Variants in MGAT4C observed in about 807,000 individuals in gnomAD.
The protein encoded by MGAT4C is MGAT4 family member C, also known as alpha-1,3-mannosyl-glycoprotein 4-beta-N-acetylglucosaminyltransferase C.
Under a neutral mutation model 40.1 loss-of-function variants are expected in MGAT4C, and 19 were observed. The observed-to-expected ratio is 0.47, with a 90% CI of 0.33 to 0.70. The LOEUF is 0.70. Ranked by LOEUF, MGAT4C falls within the 30% of genes least tolerant of loss-of-function variation. The probability of loss-of-function intolerance (pLI) is 0.02; values close to 1 mark genes in which losing one functional copy is unlikely to be tolerated. For synonymous variants in MGAT4C, 181 were observed against 187.1 expected (o/e 0.97, Z 0.27); for missense variants, 491 against 563.2 (o/e 0.87, Z 1.30).
intron 1 of MGAT4C, among the ~76,000 whole-genome samples, chr12:86,757,453 C>T (rs755017827): frequency 4.6e-5 from 7 of 151,814 alleles, no homozygotes; most frequent in Non-Finnish European, 1.0e-4. Context: ...TTTTTTTCAC[C>T]TGAAGTAAAG....
chr12:86,363,986 AC>A, intron 3 of MGAT4C, among the ~76,000 whole-genome samples: 5 of 151,868 alleles, frequency 3.3e-5, no homozygotes, highest in African/African-American at 1.2e-4. Context: ...ACACACACAC[AC>A]ACACAGAGAC....
intron 2 of MGAT4C, among the ~76,000 whole-genome samples, chr12:86,456,294 A>G (rs998378145): frequency 6.6e-6 from 1 of 152,210 alleles, no homozygotes; most frequent in South Asian, 2.1e-4. Flanking sequence ...GATAAAAAAA[A>G]TTTGGGCAGC....
chr12:86,199,860 AAT>A (rs1252239533), intron 1 of MGAT4C, among the ~76,000 whole-genome samples: 13 of 152,164 alleles, frequency 8.5e-5, no homozygotes, highest in Admixed American at 8.5e-4. Context: ...TATTTTATAC[AAT>A]GTTTATAAAT....
chr12:86,067,463 A>T (rs1314741425), intron 1 of MGAT4C, among the ~76,000 whole-genome samples: 1 of 152,088 alleles, frequency 6.6e-6, no homozygotes, highest in East Asian at 1.9e-4. Flanking sequence ...AAGAACAGAA[A>T]ACCAAACACC....
At chr12:86,154,936 A>C (rs1026911874) in intron 1 of MGAT4C, among the ~76,000 whole-genome samples, 1 of 152,184 alleles carries the variant, frequency 6.6e-6, no homozygotes, top group African/African-American at 2.4e-5. Context: ...AAGACCAACA[A>C]ATTAAAAAGT....
At chr12:86,116,732 G>A (rs1194641842) in intron 1 of MGAT4C, among the ~76,000 whole-genome samples, 1 of 152,024 alleles carries the variant, frequency 6.6e-6, no homozygotes, top group Non-Finnish European at 1.5e-5. Context: ...TAATCCAATT[G>A]TATTCATTGT....
intron 1 of MGAT4C, among the ~76,000 whole-genome samples, chr12:86,216,240 G>T (rs1950666100): frequency 6.6e-6 from 1 of 152,150 alleles, no homozygotes; most frequent in Non-Finnish European, 1.5e-5. Flanking sequence ...GGCTTGTGAG[G>T]TGAGGTGCCT....
chr12:86,750,153 G>A (rs1453120416), intron 1 of MGAT4C, among the ~76,000 whole-genome samples: 2 of 151,772 alleles, frequency 1.3e-5, no homozygotes, highest in Non-Finnish European at 2.9e-5. Context: ...GTAAGCCTCT[G>A]GTAACTTTAT....
chr12:86,808,601 A>G (rs896895517), intron 1 of MGAT4C, among the ~76,000 whole-genome samples: 7 of 152,068 alleles, frequency 4.6e-5, no homozygotes, highest in Non-Finnish European at 8.8e-5. Flanking sequence ...AAAAACTCTC[A>G]ATAAACTAGG....
intron 2 of MGAT4C, among the ~76,000 whole-genome samples, chr12:86,654,434 A>C (rs1428434582): frequency 6.6e-6 from 1 of 151,928 alleles, no homozygotes; most frequent in African/African-American, 2.4e-5. Context: ...ATAGGGAAAC[A>C]TGCACGATCA....
chr12:86,494,633 C>G (rs553708777), intron 2 of MGAT4C, among the ~76,000 whole-genome samples: 2 of 148,274 alleles, frequency 1.3e-5, no homozygotes, highest in Non-Finnish European at 1.5e-5. Flanking sequence ...AAAAAAAAAA[C>G]GTGCTTTAAA....
intron 2 of MGAT4C, among the ~76,000 whole-genome samples, chr12:86,638,854 G>T (rs1057133332): frequency 6.6e-6 from 1 of 151,670 alleles, no homozygotes; most frequent in Non-Finnish European, 1.5e-5. Flanking sequence ...TTTCTGCACT[G>T]CTGTGAAACT....
At chr12:86,427,483 A>G (rs193152800) in intron 3 of MGAT4C, among the ~76,000 whole-genome samples, 1 of 152,204 alleles carries the variant, frequency 6.6e-6, no homozygotes, top group East Asian at 1.9e-4. Flanking sequence ...AAATTATAGA[A>G]TTATTTCATT....
intron 2 of MGAT4C, among the ~76,000 whole-genome samples, chr12:86,545,786 A>C (rs1195754001): frequency 3.9e-5 from 6 of 152,002 alleles, no homozygotes; most frequent in South Asian, 4.1e-4. Flanking sequence ...AGAAAAAAAA[A>C]CAAAAACTGA....
chr12:86,268,643 CAAACA>C (rs892851404), intron 4 of MGAT4C, among the ~76,000 whole-genome samples: 8 of 123,112 alleles, frequency 6.5e-5, no homozygotes, highest in African/African-American at 8.9e-5. Flanking sequence ...ACTGCTCAAA[CAAACA>C]AAAGGATATT....
intron 1 of MGAT4C, among the ~76,000 whole-genome samples, chr12:86,833,817 G>A (rs564424877): frequency 6.6e-6 from 1 of 151,818 alleles, no homozygotes; most frequent in Non-Finnish European, 1.5e-5. Context: ...CTGGAAGCCT[G>A]AGAAGGGTAC....
chr12:86,674,575 TAATCC>T (rs1363136436), intron 2 of MGAT4C, among the ~76,000 whole-genome samples: 1 of 152,036 alleles, frequency 6.6e-6, no homozygotes, highest in East Asian at 1.9e-4. Context: ...CAGGCACGTG[TAATCC>T]CAGCCACTTG....
At chr12:86,407,196 CA>C (rs1956492284) in intron 3 of MGAT4C, among the ~76,000 whole-genome samples, 1 of 152,080 alleles carries the variant, frequency 6.6e-6, no homozygotes. Flanking sequence ...GTCCAAAATG[CA>C]GAAGTTTTTG....
chr12:86,199,123 ACTG>A (rs1330906944), intron 1 of MGAT4C, among the ~76,000 whole-genome samples: 1 of 152,022 alleles, frequency 6.6e-6, no homozygotes, highest in African/African-American at 2.4e-5. Flanking sequence ...TGCTACTGCT[ACTG>A]CTGCTGCTGC....
Sources: gnomAD v4.1 joint callset for allele counts (sites outside exome capture counted in the v4.1 genomes callset) on GRCh38, gnomAD v4.1.1 for gene constraint, MANE v1.5 for transcripts, NCBI Gene and HGNC (gene_info 2026-07-23, HGNC 2026-07-21) for gene names.